The following KIAA1217 variants were observed in gnomAD, a reference collection of about 807,000 sequenced individuals.
The protein encoded by KIAA1217 is KIAA1217.
In KIAA1217, 88 loss-of-function variants were observed where a neutral mutation model predicts 163.9. The observed-to-expected ratio is 0.54, with a 90% CI of 0.45 to 0.64. KIAA1217 has a LOEUF of 0.64. KIAA1217 is among the 30% of genes least tolerant of loss of function. The probability of loss-of-function intolerance (pLI) is 0.00; values close to 1 mark genes in which losing one functional copy is unlikely to be tolerated. For synonymous variants in KIAA1217, 903 were observed against 923.1 expected, an observed-to-expected ratio of 0.98 and a Z score of 0.39; for missense variants, 2,372 against 2,475.0, an observed-to-expected ratio of 0.96 and a Z score of 0.88.
chr10:24,541,750 C>T (rs980900662), intron 17 of KIAA1217, among the ~76,000 whole-genome samples: 1 of 152,204 alleles, frequency 6.6e-6, no homozygotes, highest in African/African-American at 2.4e-5. Flanking sequence ...CCACTGGATC[C>T]TTCACTCCTG....
chr10:24,542,374 C>A, intron 17 of KIAA1217: 1 of 430,336 alleles, frequency 2.3e-6, no homozygotes, highest in Non-Finnish European at 3.8e-6. Flanking sequence ...TTCTGCTAAG[C>A]TCACAATCTG....
intron 3 of KIAA1217, among the ~76,000 whole-genome samples, chr10:24,417,562 A>C (rs2058360522): frequency 6.6e-6 from 1 of 152,162 alleles, no homozygotes; most frequent in African/African-American, 2.4e-5. Context: ...TTTCCACGAG[A>C]GCATAGACTG....
chr10:24,461,437 C>T (rs2062397182), intron 5 of KIAA1217, among the ~76,000 whole-genome samples: 1 of 152,166 alleles, frequency 6.6e-6, no homozygotes, highest in Admixed American at 6.5e-5. Flanking sequence ...TCACTGCAGC[C>T]TCCATCTCCC....
chr10:24,117,907 CT>C (rs1271816568), intron 2 of KIAA1217, among the ~76,000 whole-genome samples: 1 of 151,906 alleles, frequency 6.6e-6, no homozygotes, highest in East Asian at 1.9e-4. Flanking sequence ...TTAAATTAAT[CT>C]TTAGGAATGC....
At chr10:24,139,150 G>T (rs2063951088) in intron 2 of KIAA1217, among the ~76,000 whole-genome samples, 1 of 151,908 alleles carries the variant, frequency 6.6e-6, no homozygotes, top group Non-Finnish European at 1.5e-5. Context: ...TATATTGATT[G>T]CTGTTATCAC....
chr10:23,922,700 T>G (rs1395169162), intron 1 of KIAA1217, among the ~76,000 whole-genome samples: 1 of 152,168 alleles, frequency 6.6e-6, no homozygotes, highest in African/African-American at 2.4e-5. Context: ...ACAATTTCCT[T>G]TTTAATGTCT....
At chr10:23,947,899 C>T (rs1157583493) in intron 1 of KIAA1217, among the ~76,000 whole-genome samples, 1 of 152,090 alleles carries the variant, frequency 6.6e-6, no homozygotes, top group African/African-American at 2.4e-5. Context: ...ATCTGCGAGC[C>T]CTGACTGAGA....
intron 5 of KIAA1217, among the ~76,000 whole-genome samples, chr10:24,440,092 G>C (rs1343819927): frequency 6.6e-6 from 1 of 152,184 alleles, no homozygotes; most frequent in Non-Finnish European, 1.5e-5. Context: ...ACTTCTGGAG[G>C]GAAAGGCCTC....
Position 24,378,790 on chromosome 10 carries a change from G to A in KIAA1217, c.355-2079G>A, listed in dbSNP as rs187206092. Among the ~76,000 whole-genome samples the A allele has an allele frequency of 7.2e-5, 11 of 152,256 alleles. No individual in the cohort carries two copies. The East Asian group carries it at 1.4e-3, about 19-fold the overall frequency. On this transcript the variant is annotated intron_variant, in intron 2 of 20. Transcript: ENST00000376454. ...AGGAGACTGCTAATATGTAGTGATC[G>A]TTTTCAGTGAGAACGTGAATAACAA...
At chr10:23,893,397 T>A (rs1414388771) in intron 1 of KIAA1217, among the ~76,000 whole-genome samples, 1 of 152,100 alleles carries the variant, frequency 6.6e-6, no homozygotes, top group African/African-American at 2.4e-5. Context: ...TCTTTATTAG[T>A]CTTGCTAGTG....
chr10:23,758,606 CTCTT>C (rs539030600), intron 1 of KIAA1217, among the ~76,000 whole-genome samples: 10 of 145,350 alleles, frequency 6.9e-5, no homozygotes, highest in East Asian at 2.0e-4. Flanking sequence ...CTTTTCTTTT[CTCTT>C]TCTTTCTTTC....
chr10:24,303,819 G>A (rs1442285642), intron 2 of KIAA1217, among the ~76,000 whole-genome samples: 1 of 151,816 alleles, frequency 6.6e-6, no homozygotes, highest in African/African-American at 2.4e-5. Flanking sequence ...TGACTTAATG[G>A]GATTCAAATT....
intron 2 of KIAA1217, among the ~76,000 whole-genome samples, chr10:24,224,119 C>T (rs991667715): frequency 6.6e-6 from 1 of 152,068 alleles, no homozygotes; most frequent in African/African-American, 2.4e-5. Flanking sequence ...ATGCGGGTGG[C>T]CCTTATTGCA....
intron 1 of KIAA1217, among the ~76,000 whole-genome samples, chr10:23,959,518 A>G (rs762650228): frequency 3.3e-5 from 5 of 152,218 alleles, no homozygotes; most frequent in Non-Finnish European, 7.3e-5. Context: ...TGTCTCTTAA[A>G]AAATAAATGA....
rs115399436 is a variant in KIAA1217 at position 23,932,027 on chromosome 10, G to A, written c.-320-75198G>A. 5.3e-3 allele frequency among the ~76,000 whole-genome samples: 809 copies of A among 152,238 alleles called. 3 individuals are homozygous for A. The highest frequency in any genetic ancestry group is 0.02 in the Middle Eastern group (6 of 294). On this transcript the variant is annotated intron_variant, in intron 1 of 18. Coordinates refer to the KIAA1217 transcript ENST00000376462. ...GTAAATGAAACAACCAGAGCAGCCC[G>A]GCAGGGAGGGCAGGGAGAGAGCAGA... is the stretch of plus-strand genomic sequence containing the variant.
At chr10:24,409,707 A>T (rs1289980455) in intron 3 of KIAA1217, among the ~76,000 whole-genome samples, 2 of 152,056 alleles carry the variant, frequency 1.3e-5, no homozygotes, top group Non-Finnish European at 2.9e-5. Context: ...GAGCCATTTC[A>T]CTGAACCCAA....
chr10:24,059,417 T>G (rs7094558), intron 2 of KIAA1217, among the ~76,000 whole-genome samples: 3,035 of 152,332 alleles, frequency 0.02, 42 homozygotes, highest in South Asian at 0.047. Context: ...ATGTTCTCAC[T>G]TCCTCAGTTT....
intron 5 of KIAA1217, among the ~76,000 whole-genome samples, chr10:24,463,696 G>T (rs183632985): frequency 7.6e-4 from 116 of 152,334 alleles, no homozygotes; most frequent in Non-Finnish European, 8.5e-4. Flanking sequence ...AAATAGGAAT[G>T]AATATGTGTC....
chr10:23,748,133 C>A (rs1233193659), intron 1 of KIAA1217, among the ~76,000 whole-genome samples: 2 of 152,294 alleles, frequency 1.3e-5, no homozygotes, highest in East Asian at 3.9e-4. Flanking sequence ...GCAGCCCAAC[C>A]TGCTCTGTGT....
Sources: gnomAD v4.1 joint callset for allele counts (sites outside exome capture counted in the v4.1 genomes callset) on GRCh38, gnomAD v4.1.1 for gene constraint, MANE v1.5 for transcripts, NCBI Gene and HGNC (gene_info 2026-07-23, HGNC 2026-07-21) for gene names.